Variants in HMCN1 observed in about 807,000 individuals in gnomAD.
HMCN1 encodes hemicentin 1, also known as hemicentin-1.
A neutral mutation model predicts 625.9 loss-of-function variants in HMCN1; 321 were observed. The ratio of observed to expected loss-of-function variants is 0.51; its 90% confidence interval spans 0.47 to 0.56. The LOEUF (loss-of-function observed/expected upper bound fraction) is 0.56. HMCN1 is among the 20% of genes least tolerant of loss of function. The pLI is 0.00. For synonymous variants in HMCN1, 2,425 were observed against 2,417.6 expected (o/e 1.00, Z -0.09); for missense variants, 6,588 against 6,887.3 (o/e 0.96, Z 1.54).
At chr1:186,154,379 G>A (rs1011370524) in intron 97 of HMCN1, among the ~76,000 whole-genome samples, 1 of 152,032 alleles carries the variant, frequency 6.6e-6, no homozygotes, top group Non-Finnish European at 1.5e-5. Flanking sequence ...AAAATTAGCC[G>A]GTCGTGGGGG....
chr1:186,054,435 A>T (rs559737418), intron 44 of HMCN1, among the ~76,000 whole-genome samples: 1 of 151,978 alleles, frequency 6.6e-6, no homozygotes, highest in Non-Finnish European at 1.5e-5. Context: ...CATTTTGTGT[A>T]TGTGGAAATT....
intron 53 of HMCN1, among the ~76,000 whole-genome samples, chr1:186,075,872 C>G (rs913607350): frequency 6.6e-6 from 1 of 152,028 alleles, no homozygotes; most frequent in Non-Finnish European, 1.5e-5. Context: ...GTACTTTTTT[C>G]TGTGATAAAT....
At position 186,053,946 on chromosome 1, in the gene HMCN1, T is replaced by C. The variant is rs760012455; in HGVS notation, c.6822T>C (p.Val2274=). The change falls in exon 44 of 107, where the codon GTT becomes GTC. Residue 2274 remains valine (V), a synonymous_variant. Transcript: ENST00000271588. ...TCTATTCATGTGTGGCGTCGAATGT[T>C]GCTGGGACTGCAAAGAAAGAATACA... The part of the protein sequence containing the change: ...AALYSCVASN[V]AGTAKKEYNL... 8.1e-6 allele frequency: 13 copies of C among 1,612,642 alleles called. No individual in the cohort carries two copies. The African/African-American group carries it at 1.2e-4, about 15-fold the overall frequency.
intron 1 of HMCN1, among the ~76,000 whole-genome samples, chr1:185,766,653 T>G (rs1655895464): frequency 6.6e-6 from 1 of 152,090 alleles, no homozygotes; most frequent in Admixed American, 6.6e-5. Context: ...AAAACAGAGC[T>G]AGGTGTGAAT....
chr1:185,861,975 T>G (rs1056112917), intron 2 of HMCN1, among the ~76,000 whole-genome samples: 10 of 152,202 alleles, frequency 6.6e-5, no homozygotes, highest in Non-Finnish European at 1.5e-4. Flanking sequence ...AATTTAGACA[T>G]GCATATTTTG....
At chr1:185,783,948 G>C (rs1022815758) in intron 1 of HMCN1, among the ~76,000 whole-genome samples, 11 of 152,242 alleles carry the variant, frequency 7.2e-5, no homozygotes, top group Non-Finnish European at 1.2e-4. Flanking sequence ...CCCAGAGGTA[G>C]AGTCTACAGA....
At chr1:185,828,121 C>T (rs973804327) in intron 1 of HMCN1, among the ~76,000 whole-genome samples, 1 of 152,012 alleles carries the variant, frequency 6.6e-6, no homozygotes, top group Admixed American at 6.5e-5. Context: ...AAGTATACAA[C>T]AAAAATACTA....
At chr1:185,984,452 C>A in intron 19 of HMCN1, 139 bp downstream of exon 19, 3 of 904,336 alleles carry the variant, frequency 3.3e-6, no homozygotes, top group Admixed American at 3.8e-5. Flanking sequence ...TGAACAATAT[C>A]TACATTGTTA....
intron 28 of HMCN1, among the ~76,000 whole-genome samples, chr1:186,001,957 C>A (rs945027905): frequency 2.6e-5 from 4 of 151,944 alleles, no homozygotes; most frequent in Non-Finnish European, 5.9e-5. Flanking sequence ...GCCTTTGAAT[C>A]ATATATACAG....
intron 1 of HMCN1, among the ~76,000 whole-genome samples, chr1:185,817,213 G>C (rs755697175): frequency 2.6e-5 from 4 of 152,148 alleles, no homozygotes; most frequent in Non-Finnish European, 5.9e-5. Context: ...CATATCCCCA[G>C]TGGCTATAGG....
chr1:185,748,980 T>C (rs1321676), intron 1 of HMCN1, among the ~76,000 whole-genome samples: 3,493 of 152,264 alleles, frequency 0.023, 63 homozygotes, highest in Non-Finnish European at 0.038. Context: ...AAAACCAGTT[T>C]TGTGTACTGA....
rs780960059 is a variant in HMCN1, at chr1:186,137,996, A to C, written c.13924+24A>C. 7 of 1,613,450 alleles carry C rather than the reference A, an allele frequency of 4.3e-6. No individual in the cohort carries two copies. In the East Asian group the frequency reaches 1.6e-4, roughly 36 times the overall value. On this transcript the variant is annotated intron_variant, in intron 89 of 106. Transcript: ENST00000271588. The stretch of plus-strand genomic sequence containing the variant: ...AGGTGAGAAACCACCAATAATGCTA[A>C]GATAAACAAAACTTTTCTATCTTAA...
chr1:186,110,977 C>CTTTTTTTTTTTT (rs557887846), intron 71 of HMCN1, among the ~76,000 whole-genome samples: 1,783 of 61,570 alleles, frequency 0.029, 478 homozygotes, highest in African/African-American at 0.085. Context: ...AGAGAAAATT[C>CTTTTTTTTTTTT]TTTTTTTTTT....
chr1:186,116,084 A>G (rs982603071), intron 75 of HMCN1, among the ~76,000 whole-genome samples: 20 of 152,118 alleles, frequency 1.3e-4, no homozygotes, highest in Non-Finnish European at 2.4e-4. Flanking sequence ...ATTCCAATAC[A>G]TCAGGAAATA....
intron 46 of HMCN1, among the ~76,000 whole-genome samples, chr1:186,061,649 A>T (rs1289934923): frequency 6.6e-6 from 1 of 152,100 alleles, no homozygotes; most frequent in Non-Finnish European, 1.5e-5. Context: ...TTTTTTATCT[A>T]TTGAACTAGA....
At chr1:185,796,358 T>C (rs1005820130) in intron 1 of HMCN1, among the ~76,000 whole-genome samples, 1 of 152,178 alleles carries the variant, frequency 6.6e-6, no homozygotes, top group African/African-American at 2.4e-5. Context: ...GGGTCCATGG[T>C]CTGGGTGTTG....
chr1:186,049,088 T>C (rs1656776713), intron 42 of HMCN1, among the ~76,000 whole-genome samples: 1 of 152,028 alleles, frequency 6.6e-6, no homozygotes, highest in African/African-American at 2.4e-5. Flanking sequence ...AATGTGCCCT[T>C]TGTCTTCCAC....
rs376117586 is a variant in HMCN1, at chr1:186,080,916, G to GAA, written c.8600-290_8600-289dup. Among the ~76,000 whole-genome samples the GAA allele has an allele frequency of 1.4e-3, 206 of 152,232 alleles. 1 individual carries two copies. Among genetic ancestry groups the GAA allele is most frequent in the African/African-American group, 4.6e-3 (190 of 41,552 alleles). On this transcript the variant is annotated intron_variant, in intron 55 of 106. Transcript: ENST00000271588. ...AGGTATAGTGGGAGGGGCTGAGAGA[G>GAA]AAGTAAAAGATATATTGGAGAAGAA...
At chr1:185,926,891 C>G (rs535486486) in intron 9 of HMCN1, among the ~76,000 whole-genome samples, 1 of 152,210 alleles carries the variant, frequency 6.6e-6, no homozygotes, top group South Asian at 2.1e-4. Flanking sequence ...CAAAGTCTAC[C>G]CTTCAAAACT....
Sources: gnomAD v4.1 joint callset for allele counts (sites outside exome capture counted in the v4.1 genomes callset) on GRCh38, gnomAD v4.1.1 for gene constraint, MANE v1.5 for transcripts, NCBI Gene and HGNC (gene_info 2026-07-23, HGNC 2026-07-21) for gene names.